The following PPP3CA variants were observed in gnomAD, a reference collection of about 807,000 sequenced individuals.
PPP3CA encodes the protein protein phosphatase 3 catalytic subunit alpha.
Under a neutral mutation model 66.5 loss-of-function variants are expected in PPP3CA, and 14 were observed. The observed-to-expected ratio is 0.21, with a 90% CI of 0.14 to 0.33. The LOEUF is 0.33. PPP3CA is among the 10% of genes least tolerant of loss of function. The probability of loss-of-function intolerance (pLI) is 1.00; values close to 1 mark genes in which losing one functional copy is unlikely to be tolerated. For missense variants in PPP3CA, 317 were observed against 639.5 expected (o/e 0.50, Z 5.44); for synonymous variants, 232 against 226.2 (o/e 1.03, Z -0.23).
At chr4:101,343,810 A>G (rs1193598075) in intron 1 of PPP3CA, among the ~76,000 whole-genome samples, 1 of 152,192 alleles carries the variant, frequency 6.6e-6, no homozygotes, top group Non-Finnish European at 1.5e-5. Context: ...AGACAGACTC[A>G]ACCTACGTCT....
intron 2 of PPP3CA, among the ~76,000 whole-genome samples, chr4:101,117,535 ATTTT>A (rs756904993): frequency 6.6e-6 from 1 of 151,528 alleles, no homozygotes; most frequent in African/African-American, 2.4e-5. Context: ...TGATACCACT[ATTTT>A]TCCATTTTAG....
rs957352501 is a variant in PPP3CA, at chr4:101,024,250, G to T, written c.*1615C>A. On this transcript the variant is annotated 3_prime_UTR_variant, in exon 14 of 14. Coordinates refer to ENST00000394854, the MANE Select transcript of PPP3CA (RefSeq NM_000944.5). ...AAATCAGCCTGTGATGTGTGGTGGT[G>T]GGCCAGCACCTAGAAGACACATGGT... 6.6e-6 allele frequency: 1 copy of T among 152,256 alleles called. No individual in the cohort carries two copies. Among genetic ancestry groups the T allele is most frequent in the Non-Finnish European group, 1.5e-5 (1 of 68,030 alleles). The allele number at this position is 152,256 out of a possible 1,614,324, so 9.4% of individuals were successfully genotyped here. A position where few individuals can be genotyped will look rare whatever the true frequency, so the allele number is the denominator to read the frequency against.
chr4:101,059,419 A>G (rs185232839), intron 10 of PPP3CA, among the ~76,000 whole-genome samples: 114 of 152,280 alleles, frequency 7.5e-4, no homozygotes, highest in Non-Finnish European at 1.2e-3. Flanking sequence ...GAAGACAAGT[A>G]ATAAAGACAA....
At chr4:101,301,913 T>C (rs2110300053) in intron 1 of PPP3CA, among the ~76,000 whole-genome samples, 1 of 151,358 alleles carries the variant, frequency 6.6e-6, no homozygotes, top group Admixed American at 6.6e-5. Context: ...TAAGTAAATA[T>C]TATTTATATT....
intron 10 of PPP3CA, among the ~76,000 whole-genome samples, chr4:101,048,797 C>T (rs958287882): frequency 6.6e-6 from 1 of 151,982 alleles, no homozygotes; most frequent in Admixed American, 6.6e-5. Context: ...AACTTGACTA[C>T]AATCTCAGTA....
intron 1 of PPP3CA, among the ~76,000 whole-genome samples, chr4:101,318,246 G>A (rs1020259461): frequency 4.6e-5 from 7 of 152,112 alleles, no homozygotes; most frequent in African/African-American, 1.7e-4. Context: ...AAAAGGCCTA[G>A]ACTCAGAAAA....
intron 5 of PPP3CA, among the ~76,000 whole-genome samples, chr4:101,097,150 A>G (rs1730232001): frequency 6.6e-6 from 1 of 152,170 alleles, no homozygotes; most frequent in Non-Finnish European, 1.5e-5. Context: ...CCTATCATAC[A>G]TTAGGCTTAA....
intron 1 of PPP3CA, among the ~76,000 whole-genome samples, chr4:101,270,349 G>A (rs1210346726): frequency 6.6e-6 from 1 of 152,082 alleles, no homozygotes; most frequent in Non-Finnish European, 1.5e-5. Context: ...ATACAGCGAT[G>A]TTCAATGTCA....
chr4:101,265,507 G>A (rs1727141942), intron 1 of PPP3CA, among the ~76,000 whole-genome samples: 1 of 152,122 alleles, frequency 6.6e-6, no homozygotes, highest in Non-Finnish European at 1.5e-5. Flanking sequence ...GAGAAGATAG[G>A]CATAAAGAAG....
chr4:101,135,676 A>G (rs1560620788), intron 2 of PPP3CA, among the ~76,000 whole-genome samples: 1 of 152,240 alleles, frequency 6.6e-6, no homozygotes, highest in Admixed American at 6.5e-5. Context: ...CAACTGAAGA[A>G]AAAGAAAATT....
At chr4:101,214,879 C>T (rs1252287505) in intron 1 of PPP3CA, among the ~76,000 whole-genome samples, 2 of 152,036 alleles carry the variant, frequency 1.3e-5, no homozygotes, top group East Asian at 1.9e-4. Flanking sequence ...CTATAATTAG[C>T]GAGGTCAATT....
chr4:101,078,631 ATCAGCT>A (rs1249632568), intron 8 of PPP3CA, among the ~76,000 whole-genome samples: 8 of 152,296 alleles, frequency 5.3e-5, no homozygotes, highest in African/African-American at 1.7e-4. Context: ...TACTGTAACT[ATCAGCT>A]TATAATTCTA....
rs114635647 is a variant in PPP3CA at position 101,321,093 on chromosome 4, C to A, written c.58+25646G>T. On this transcript the variant is annotated intron_variant, in intron 1 of 13. Transcript: ENST00000394854. Reference sequence around the variant, plus strand: ...CAAAGTATTTTTGGCAGGATTTAAGCTATTTTCTATCAAAAGACATGATTT... The same window carrying A: ...CAAAGTATTTTTGGCAGGATTTAAGATATTTTCTATCAAAAGACATGATTT... 3.0e-3 allele frequency among the ~76,000 whole-genome samples: 459 copies of A among 152,278 alleles called. 5 individuals carry two copies. Among genetic ancestry groups the A allele is most frequent in the African/African-American group, 0.01 (436 of 41,556 alleles).
chr4:101,276,793 C>A (rs1011471568), intron 1 of PPP3CA, among the ~76,000 whole-genome samples: 1 of 152,170 alleles, frequency 6.6e-6, no homozygotes, highest in Non-Finnish European at 1.5e-5. Context: ...CCCTTTACCT[C>A]CCACACAGTT....
intron 3 of PPP3CA, among the ~76,000 whole-genome samples, chr4:101,106,411 A>G (rs1304112132): frequency 5.6e-4 from 6 of 10,746 alleles, no homozygotes; most frequent in Admixed American, 3.0e-3. Context: ...GAAAGAAAGA[A>G]AGAAAGAAAG....
chr4:101,248,663 T>C (rs1237001486), intron 1 of PPP3CA, among the ~76,000 whole-genome samples: 1 of 152,224 alleles, frequency 6.6e-6, no homozygotes, highest in East Asian at 1.9e-4. Context: ...GATTACCTTT[T>C]TGCATTTCAG....
chr4:101,038,929 C>G (rs1456828805), intron 11 of PPP3CA, among the ~76,000 whole-genome samples: 1 of 152,154 alleles, frequency 6.6e-6, no homozygotes, highest in Non-Finnish European at 1.5e-5. Context: ...TCACTGGGTT[C>G]AAATAGTCCA....
In PPP3CA at chr4:101,202,446, T is replaced by TA. The variant is rs914339798; in HGVS notation, c.59-6331dup. On this transcript the variant is annotated intron_variant, in intron 1 of 13. Coordinates refer to ENST00000394854, the MANE Select transcript of PPP3CA (RefSeq NM_000944.5). ...AGGTTTAACTTATATTCTCCTAGAT[T>TA]AAAAAAAAGTATATCAGTATGGGGG... Among the ~76,000 whole-genome samples, 6 of 152,030 alleles carry TA rather than the reference T, an allele frequency of 3.9e-5. No individual in the cohort carries two copies. The South Asian group carries it at 8.3e-4, about 21-fold the overall frequency.
chr4:101,274,852 C>T (rs1407322847), intron 1 of PPP3CA, among the ~76,000 whole-genome samples: 7 of 152,066 alleles, frequency 4.6e-5, no homozygotes, highest in African/African-American at 1.7e-4. Flanking sequence ...TAGATCATTA[C>T]AAACCTAACA....
Sources: gnomAD v4.1 joint callset for allele counts (sites outside exome capture counted in the v4.1 genomes callset) on GRCh38, gnomAD v4.1.1 for gene constraint, MANE v1.5 for transcripts, NCBI Gene and HGNC (gene_info 2026-07-23, HGNC 2026-07-21) for gene names.